The following HDAC9 variants were observed in gnomAD, a reference collection of about 807,000 sequenced individuals.
HDAC9 encodes the protein MEF-2 interacting transcription repressor (MITR) protein.
In HDAC9, 41 loss-of-function variants were observed where a neutral mutation model predicts 139.4. That is an observed-to-expected ratio of 0.29 (90% CI 0.23 to 0.38). HDAC9 has a LOEUF of 0.38. Among genes scored for constraint, HDAC9 ranks in the 10% least tolerant of loss-of-function variants. The pLI is 1.00. For synonymous variants in HDAC9, 517 were observed against 476.2 expected (o/e 1.09, Z -1.12); for missense variants, 1,147 against 1,297.0 (o/e 0.88, Z 1.78).
At chr7:18,671,818 G>T (rs371528637) in intron 12 of HDAC9, among the ~76,000 whole-genome samples, 25 of 152,060 alleles carry the variant, frequency 1.6e-4, no homozygotes, top group Admixed American at 4.6e-4. Flanking sequence ...ATGAAGTCAT[G>T]CATTATGTGG....
intron 2 of HDAC9, among the ~76,000 whole-genome samples, chr7:18,180,132 A>G (rs1789275220): frequency 6.6e-6 from 1 of 151,860 alleles, no homozygotes; most frequent in South Asian, 2.1e-4. Flanking sequence ...TACCCCCAGT[A>G]GTGAGCGCCT....
At chr7:18,248,304 C>T (rs1794689302) in intron 2 of HDAC9, among the ~76,000 whole-genome samples, 1 of 152,158 alleles carries the variant, frequency 6.6e-6, no homozygotes, top group Admixed American at 6.5e-5. Context: ...TTCTTATATG[C>T]TCAATTAATT....
At chr7:18,462,165 C>G (rs1471950818) in intron 1 of HDAC9, among the ~76,000 whole-genome samples, 1 of 151,846 alleles carries the variant, frequency 6.6e-6, no homozygotes, top group African/African-American at 2.4e-5. Flanking sequence ...ATGTTTTAAC[C>G]TTCAAATAAT....
At chr7:18,883,330 G>T (rs777480525) in intron 22 of HDAC9, among the ~76,000 whole-genome samples, 2 of 151,972 alleles carry the variant, frequency 1.3e-5, no homozygotes, top group South Asian at 2.1e-4. Context: ...ACATTAAAAG[G>T]TTCATTCACC....
intron 1 of HDAC9, among the ~76,000 whole-genome samples, chr7:18,475,841 A>T (rs141982554): frequency 1.3e-5 from 2 of 152,344 alleles, no homozygotes; most frequent in African/African-American, 4.8e-5. Context: ...AATCACTAAT[A>T]ATCCAGAACA....
At chr7:18,777,404 A>G (rs906916656) in intron 16 of HDAC9, among the ~76,000 whole-genome samples, 1 of 151,862 alleles carries the variant, frequency 6.6e-6, no homozygotes, top group Non-Finnish European at 1.5e-5. Flanking sequence ...TTATGGCCTC[A>G]GTTGCTCTGG....
intron 1 of HDAC9, among the ~76,000 whole-genome samples, chr7:18,342,173 A>G (rs1340724058): frequency 1.3e-5 from 2 of 151,774 alleles, no homozygotes; most frequent in Non-Finnish European, 2.9e-5. Flanking sequence ...TAGGCCTGGA[A>G]TTCTCTGTGT....
At chr7:18,169,622 C>T (rs370594289) in intron 2 of HDAC9, among the ~76,000 whole-genome samples, 7 of 152,206 alleles carry the variant, frequency 4.6e-5, no homozygotes, top group African/African-American at 1.7e-4. Context: ...TCCCCCACCG[C>T]ACGACAGGCC....
intron 14 of HDAC9, among the ~76,000 whole-genome samples, chr7:18,753,694 C>T (rs1229939482): frequency 2.0e-5 from 3 of 152,080 alleles, no homozygotes; most frequent in Non-Finnish European, 2.9e-5. Context: ...TTAGCAATGT[C>T]GCAAATTAAT....
chr7:18,982,297 C>A (rs1283976237), intron 25 of HDAC9, among the ~76,000 whole-genome samples: 6 of 152,112 alleles, frequency 3.9e-5, no homozygotes, highest in Non-Finnish European at 5.9e-5. Context: ...AACAAAACAA[C>A]TGGAAAGCAT....
At chr7:18,277,581 C>G (rs1324088905) in intron 2 of HDAC9, among the ~76,000 whole-genome samples, 1 of 152,144 alleles carries the variant, frequency 6.6e-6, no homozygotes, top group Non-Finnish European at 1.5e-5. Flanking sequence ...GTCTGCCTGA[C>G]TCAAGTATCT....
chr7:18,935,200 A>G (rs1407361199), intron 22 of HDAC9, among the ~76,000 whole-genome samples: 1 of 152,172 alleles, frequency 6.6e-6, no homozygotes, highest in Non-Finnish European at 1.5e-5. Context: ...AATTTTCCTT[A>G]AGTTGGAAGG....
intron 8 of HDAC9, among the ~76,000 whole-genome samples, chr7:18,640,357 TAAAAAAAAAAAAA>T (rs56655676): frequency 8.0e-4 from 53 of 66,084 alleles, no homozygotes; most frequent in African/African-American, 2.6e-3. Flanking sequence ...GATCCTGTCT[TAAAAAAAAAAAAA>T]AAAAAAAAAA....
intron 16 of HDAC9, among the ~76,000 whole-genome samples, chr7:18,782,024 T>C (rs1244775867): frequency 1.3e-5 from 2 of 152,116 alleles, no homozygotes; most frequent in African/African-American, 4.8e-5. Flanking sequence ...GAAAAACCTC[T>C]GTTTCTTTGT....
chr7:18,206,930 C>CTTT (rs58248823), intron 2 of HDAC9, among the ~76,000 whole-genome samples: 10 of 124,548 alleles, frequency 8.0e-5, no homozygotes, highest in African/African-American at 9.0e-5. Context: ...GATATCTTTT[C>CTTT]TTTTTTTTTT....
At chr7:18,679,641 T>A (rs1196433381) in intron 12 of HDAC9, among the ~76,000 whole-genome samples, 1 of 151,424 alleles carries the variant, frequency 6.6e-6, no homozygotes, top group African/African-American at 2.4e-5. Context: ...TGAGTAACAT[T>A]GATCCTACTA....
chr7:18,382,562 G>C (rs1391591755), intron 1 of HDAC9, among the ~76,000 whole-genome samples: 1 of 152,234 alleles, frequency 6.6e-6, no homozygotes, highest in Admixed American at 6.5e-5. Flanking sequence ...CGCCCATGGA[G>C]TGTATTATTT....
intron 2 of HDAC9, among the ~76,000 whole-genome samples, chr7:18,513,742 T>A (rs1245568017): frequency 1.3e-5 from 2 of 152,218 alleles, no homozygotes; most frequent in Non-Finnish European, 2.9e-5. Flanking sequence ...ATGGGTTGCC[T>A]AGATTACCGT....
At chr7:18,684,349 A>C (rs965265008) in intron 12 of HDAC9, among the ~76,000 whole-genome samples, 1 of 151,258 alleles carries the variant, frequency 6.6e-6, no homozygotes, top group Non-Finnish European at 1.5e-5. Flanking sequence ...CATCAAAACT[A>C]TCCTGTTAGG....
Sources: gnomAD v4.1 joint callset for allele counts (sites outside exome capture counted in the v4.1 genomes callset) on GRCh38, gnomAD v4.1.1 for gene constraint, MANE v1.5 for transcripts, NCBI Gene and HGNC (gene_info 2026-07-23, HGNC 2026-07-21) for gene names.